Variants in SNTB1 observed in about 807,000 individuals in gnomAD.
SNTB1 encodes the protein beta-1-syntrophin.
SNTB1 carries 36 observed loss-of-function variants against 48.9 expected under a neutral mutation model. The observed-to-expected ratio is 0.74, with a 90% CI of 0.56 to 0.97. SNTB1 has a LOEUF of 0.97. SNTB1 is among the 50% of genes least tolerant of loss of function. The probability of loss-of-function intolerance (pLI) is 0.00; values close to 1 mark genes in which losing one functional copy is unlikely to be tolerated. For synonymous variants in SNTB1, 299 were observed against 294.6 expected, an observed-to-expected ratio of 1.01 and a Z score of -0.15; for missense variants, 786 against 703.4, an observed-to-expected ratio of 1.12 and a Z score of -1.33.
chr8:120,732,772 C>G (rs1046622713), intron 1 of SNTB1, among the ~76,000 whole-genome samples: 26 of 152,060 alleles, frequency 1.7e-4, no homozygotes, highest in African/African-American at 6.0e-4. Flanking sequence ...TTTGAACCCA[C>G]GAGGTGGAGG....
intron 1 of SNTB1, among the ~76,000 whole-genome samples, chr8:120,756,359 C>T (rs768402281): frequency 6.6e-6 from 1 of 151,862 alleles, no homozygotes; most frequent in South Asian, 2.1e-4. Context: ...AGGTGTAAAG[C>T]GATGGATGGA....
intron 4 of SNTB1, among the ~76,000 whole-genome samples, chr8:120,569,195 G>T (rs1283746682): frequency 6.6e-6 from 1 of 152,130 alleles, no homozygotes; most frequent in East Asian, 1.9e-4. Flanking sequence ...TGGCCAGCTG[G>T]CCTCGAACCC....
At chr8:120,797,546 CTTTTT>C (rs60374035) in intron 1 of SNTB1, among the ~76,000 whole-genome samples, 13 of 69,110 alleles carry the variant, frequency 1.9e-4, no homozygotes, top group African/African-American at 3.9e-4. Context: ...ACTTGTTTCT[CTTTTT>C]TTTTTTTTTT....
intron 2 of SNTB1, among the ~76,000 whole-genome samples, chr8:120,682,358 T>C (rs1426998681): frequency 6.6e-6 from 1 of 152,010 alleles, no homozygotes; most frequent in Non-Finnish European, 1.5e-5. Context: ...ATGAGATCTA[T>C]TTTGTTAGGT....
chr8:120,782,038 C>T (rs1277024687), intron 1 of SNTB1, among the ~76,000 whole-genome samples: 2 of 152,186 alleles, frequency 1.3e-5, no homozygotes, highest in Non-Finnish European at 2.9e-5. Flanking sequence ...ACAGTGTGAG[C>T]AGGGTTGGTT....
At chr8:120,654,051 A>AAAAAAAAAAAAAAAAAAAAAAAC in intron 2 of SNTB1, among the ~76,000 whole-genome samples, 1 of 147,024 alleles carries the variant, frequency 6.8e-6, no homozygotes, top group Non-Finnish European at 1.5e-5. Flanking sequence ...AAAAAAAAAA[A>AAAAAAAAAAAAAAAAAAAAAAAC]AAAAAAAAAA....
chr8:120,552,483 G>T (rs566141039), intron 4 of SNTB1, among the ~76,000 whole-genome samples: 1 of 152,162 alleles, frequency 6.6e-6, no homozygotes, highest in Non-Finnish European at 1.5e-5. Context: ...TCAGCCTCCC[G>T]AGTAGCTGGG....
intron 5 of SNTB1, among the ~76,000 whole-genome samples, chr8:120,547,455 G>T (rs577281847): frequency 6.6e-6 from 1 of 152,032 alleles, no homozygotes; most frequent in South Asian, 2.1e-4. Flanking sequence ...AAATTAGCTG[G>T]GCATGGTGGC....
chr8:120,561,761 G>A (rs1302769445), intron 4 of SNTB1, among the ~76,000 whole-genome samples: 1 of 152,134 alleles, frequency 6.6e-6, no homozygotes, highest in African/African-American at 2.4e-5. Context: ...TGAACAATCA[G>A]CTCTTATAAC....
chr8:120,665,524 T>C (rs1237368177), intron 2 of SNTB1, among the ~76,000 whole-genome samples: 1 of 152,182 alleles, frequency 6.6e-6, no homozygotes, highest in African/African-American at 2.4e-5. Context: ...GCAAATATGT[T>C]CTCCCAATCT....
intron 5 of SNTB1, among the ~76,000 whole-genome samples, chr8:120,543,713 A>G (rs957302025): frequency 1.3e-5 from 2 of 152,128 alleles, no homozygotes; most frequent in African/African-American, 4.8e-5. Flanking sequence ...AGAGATTTCT[A>G]TTGTTCACAG....
intron 2 of SNTB1, chr8:120,638,182 C>T (rs1482866054): frequency 6.6e-6 from 1 of 152,120 alleles, no homozygotes; most frequent in African/African-American, 2.4e-5. Flanking sequence ...TCTGGGTTAC[C>T]AGACATCCCT....
intron 1 of SNTB1, chr8:120,761,489 C>A (rs558432860): frequency 5.8e-4 from 88 of 152,306 alleles, no homozygotes; most frequent in African/African-American, 2.0e-3. Context: ...AAAAATTGAT[C>A]TAGACTTTGC....
intron 1 of SNTB1, among the ~76,000 whole-genome samples, chr8:120,719,156 G>A (rs942128549): frequency 2.0e-5 from 3 of 152,160 alleles, no homozygotes; most frequent in African/African-American, 7.2e-5. Flanking sequence ...TGAGGGTGTT[G>A]CCAAAGAAGG....
chr8:120,586,025 A>G lies in SNTB1; in HGVS notation c.997-10800T>C, dbSNP rs1009123151. Among the ~76,000 whole-genome samples, 8 of 152,220 alleles carry G rather than the reference A, an allele frequency of 5.3e-5. No individual in the cohort carries two copies. The South Asian group carries it at 6.2e-4, about 12-fold the overall frequency. The stretch of plus-strand genomic sequence containing the variant: ...ATAGAAAACACTGGACACAAAACAC[A>G]TCCCTTCAGCAGTGTTACACTAGCT... On this transcript the variant is annotated intron_variant, in intron 3 of 6. Coordinates refer to ENST00000517992, the MANE Select transcript of SNTB1 (RefSeq NM_021021.4).
intron 3 of SNTB1, among the ~76,000 whole-genome samples, chr8:120,599,037 TCAC>T (rs1326276184): frequency 5.3e-5 from 8 of 152,176 alleles, no homozygotes; most frequent in Non-Finnish European, 8.8e-5. Context: ...GGGGCAATGT[TCAC>T]AGGTTCCAGG....
intron 1 of SNTB1, among the ~76,000 whole-genome samples, chr8:120,778,042 G>A (rs1287432763): frequency 6.6e-6 from 1 of 152,192 alleles, no homozygotes; most frequent in African/African-American, 2.4e-5. Context: ...ACAATGTCCA[G>A]TCATTTACTT....
At chr8:120,729,364 T>C (rs1028325611) in intron 1 of SNTB1, among the ~76,000 whole-genome samples, 7 of 152,212 alleles carry the variant, frequency 4.6e-5, no homozygotes, top group African/African-American at 7.2e-5. Flanking sequence ...TTAACAGGTC[T>C]GTATGTGCTG....
At chr8:120,750,694 C>T (rs1819198533) in intron 1 of SNTB1, among the ~76,000 whole-genome samples, 1 of 151,968 alleles carries the variant, frequency 6.6e-6, no homozygotes, top group African/African-American at 2.4e-5. Flanking sequence ...ATTGACTCAC[C>T]AAGGGTCATG....
Sources: gnomAD v4.1 joint callset for allele counts (sites outside exome capture counted in the v4.1 genomes callset) on GRCh38, gnomAD v4.1.1 for gene constraint, MANE v1.5 for transcripts, NCBI Gene and HGNC (gene_info 2026-07-23, HGNC 2026-07-21) for gene names.